ARL4A: variants seen among roughly 807,000 people sequenced by gnomAD.
ARL4A encodes the protein ADP-ribosylation factor-like protein 4A.
ARL4A carries 5 observed loss-of-function variants against 13.9 expected under a neutral mutation model. The observed-to-expected ratio is 0.36, with a 90% confidence interval of 0.19 to 0.75. ARL4A has a LOEUF of 0.75. Among genes scored for constraint, ARL4A ranks in the 30% least tolerant of loss-of-function variants. ARL4A has a pLI of 0.53. For synonymous variants in ARL4A, 77 were observed against 84.4 expected (o/e 0.91, Z 0.48); for missense variants, 147 against 225.8 (o/e 0.65, Z 2.24).
rs1784612255 is a variant in ARL4A at position 12,690,937 on chromosome 7, A to AC, written c.*2081dup. Reference sequence around the variant, plus strand: ...CTGTACAAACTTTGATTTATAAAAGACAATTTCAGCTATAAAACCCATCCT... The same window carrying AC: ...CTGTACAAACTTTGATTTATAAAAGACCAATTTCAGCTATAAAACCCATCCT... On this transcript the variant is annotated 3_prime_UTR_variant, in exon 2 of 2. Transcript: ENST00000651779. 6.1e-6 allele frequency: 1 copy of AC among 164,754 alleles called. No homozygotes were observed. The highest frequency in any genetic ancestry group is 2.1e-4 in the South Asian group (1 of 4,834). The allele number at this position is 164,754 out of a possible 1,614,324, so 10.2% of individuals were successfully genotyped here.
Position 12,689,050 on chromosome 7 carries a change from C to G in ARL4A, c.*193C>G. 1 of 565,028 alleles carries G rather than the reference C, an allele frequency of 1.8e-6. No individual in the cohort carries two copies. The allele number at this position is 565,028 out of a possible 1,614,324, so 35.0% of individuals were successfully genotyped here. A position where few individuals can be genotyped will look rare whatever the true frequency, so the allele number is the denominator to read the frequency against. On this transcript the variant is annotated 3_prime_UTR_variant, in exon 2 of 2. Coordinates refer to ENST00000651779, the MANE Select transcript of ARL4A (RefSeq NM_005738.5). ...TAAATGCAGTGCTTCTTAAAGTGGT[C>G]TCTTCTCCCTACCCCACAAATCTTT...
chr7:12,689,320 C>G lies in ARL4A; in HGVS notation c.*463C>G, dbSNP rs1006461517. The G allele has an allele frequency of 5.9e-6, 1 of 168,492 alleles. No homozygotes were observed. The highest frequency in any genetic ancestry group is 1.4e-5 in the Non-Finnish European group (1 of 69,136). 10.4% of individuals were successfully genotyped at this position (168,492 alleles called of 1,614,324 possible). On this transcript the variant is annotated 3_prime_UTR_variant, in exon 2 of 2. Transcript: ENST00000651779. ...ATGCAGTTATATTGATCACATTGGT[C>G]CAACCAGTCCTTTTTTGAAGTAAGG...
chr7:12,688,694 T>C lies in ARL4A; in HGVS notation c.440T>C (p.Ile147Thr), dbSNP rs556731276. The part of the protein sequence containing the change: ...DLRNSLSLSE[I>T]EKLLAMGELS... ...AGGAACTCATTGTCACTTTCAGAAA[T>C]TGAGAAATTGTTAGCAATGGGTGAA... Residue 147 changes from isoleucine (I) to threonine (T), a missense_variant, in exon 2 of 2, where the codon ATT (isoleucine) becomes ACT (threonine). Ile to Thr is a moderately conservative substitution (Grantham distance 89, BLOSUM62 -1). Coordinates refer to ENST00000651779, the MANE Select transcript of ARL4A (RefSeq NM_005738.5). The surrounding 1 kb of genome is among the most constrained non-coding windows in gnomAD (Gnocchi z 5.2). 1.9e-6 allele frequency: 3 copies of C among 1,613,946 alleles called. No homozygotes were observed. Among genetic ancestry groups the C allele is most frequent in the East Asian group, 2.2e-5 (1 of 44,880 alleles).
chr7:12,688,522 A>T lies in ARL4A; in HGVS notation c.268A>T (p.Thr90Ser). 1 of 1,612,040 alleles carries T rather than the reference A, an allele frequency of 6.2e-7. No individual in the cohort carries two copies. Among genetic ancestry groups the T allele is most frequent in the Non-Finnish European group, 8.5e-7 (1 of 1,179,822 alleles). ...EKLRPLWKSY[T>S]RCTDGIVFVV... ...ATTAAGGCCACTGTGGAAGTCATAT[A>T]CCAGATGCACAGATGGCATTGTATT... The change falls in exon 2 of 2, where the codon ACC becomes TCC. Residue 90 changes from threonine to serine, a missense_variant. Coordinates refer to ENST00000651779, the MANE Select transcript of ARL4A (RefSeq NM_005738.5). The surrounding 1 kb of genome is among the most constrained non-coding windows in gnomAD (Gnocchi z 5.2).
Position 12,688,161 on chromosome 7 carries a change from C to A in ARL4A, c.-89-5C>A. 1.4e-6 allele frequency: 2 copies of A among 1,476,564 alleles called. No homozygotes were observed. Among genetic ancestry groups the A allele is most frequent in the Non-Finnish European group, 1.8e-6 (2 of 1,104,352 alleles). The allele number at this position is 1,476,564 out of a possible 1,614,324, so 91.5% of individuals were successfully genotyped here. Reference sequence around the variant, plus strand: ...GAATAACTTATTCCTTCTTCCGTCTCCCAGCAGTCTTATAGCTGGATCAGC... The same window carrying A: ...GAATAACTTATTCCTTCTTCCGTCTACCAGCAGTCTTATAGCTGGATCAGC... On this transcript the variant is annotated splice_region_variant and splice_polypyrimidine_tract_variant and intron_variant, in intron 1 of 1. Transcript: ENST00000651779. This position sits in a 1 kb window ranked among gnomAD's most constrained non-coding sequence, Gnocchi z 5.2.
At chr7:12,687,453 A>C (rs1390734983), upstream of ARL4A, 1 of 152,380 alleles carries the variant, frequency 6.6e-6, no homozygotes, top group Non-Finnish European at 1.5e-5. The surrounding 1 kb of genome is among the most constrained non-coding windows in gnomAD (Gnocchi z 5.6). Flanking sequence ...CGGTGGACCG[A>C]GAGAGAGCTC....
In ARL4A at chr7:12,688,174, T is replaced by G. The variant is rs531205397; in HGVS notation, c.-81T>G. 1,593 of 1,507,160 alleles carry G rather than the reference T, an allele frequency of 1.1e-3. 3 individuals are homozygous for G. The highest frequency in any genetic ancestry group is 1.3e-3 in the Non-Finnish European group (1,454 of 1,126,934). The allele number at this position is 1,507,160 out of a possible 1,614,324, so 93.4% of individuals were successfully genotyped here. On this transcript the variant is annotated 5_prime_UTR_variant, in exon 2 of 2. An upstream open reading frame in the 5' UTR loses its in-frame stop. Coordinates refer to ENST00000651779, the MANE Select transcript of ARL4A (RefSeq NM_005738.5). This position sits in a 1 kb window ranked among gnomAD's most constrained non-coding sequence, Gnocchi z 5.2. ...CTTCTTCCGTCTCCCAGCAGTCTTA[T>G]AGCTGGATCAGCTACCAAGAGAAGT...
chr7:12,689,803 A>G lies in ARL4A; in HGVS notation c.*946A>G, dbSNP rs1784588600. On this transcript the variant is annotated 3_prime_UTR_variant, in exon 2 of 2. Transcript: ENST00000651779. ...CTCTAAAATATTCCAGTTACAAGAT[A>G]TTTGTTTTATTAATATTTGCTGGCT... 1 of 166,792 alleles carries G rather than the reference A, an allele frequency of 6.0e-6. No individual in the cohort carries two copies. The highest frequency in any genetic ancestry group is 2.4e-5 in the African/African-American group (1 of 41,472). 10.3% of individuals were successfully genotyped at this position (166,792 alleles called of 1,614,324 possible).
In ARL4A at chr7:12,689,707, A is replaced by G. The variant is rs1784586983; in HGVS notation, c.*850A>G. ...AATATGGGCATGTAAACTAATAAAT[A>G]TGCACTGGATACATATATGGATTTA... On this transcript the variant is annotated 3_prime_UTR_variant, in exon 2 of 2. Coordinates refer to ENST00000651779, the MANE Select transcript of ARL4A (RefSeq NM_005738.5). The G allele has an allele frequency of 6.0e-6, 1 of 166,946 alleles. No individual in the cohort carries two copies. The highest frequency in any genetic ancestry group is 2.4e-5 in the African/African-American group (1 of 41,466). The allele number at this position is 166,946 out of a possible 1,614,324, so 10.3% of individuals were successfully genotyped here. A position where few individuals can be genotyped will look rare whatever the true frequency, so the allele number is the denominator to read the frequency against.
chr7:12,688,136 G>A lies in ARL4A; in HGVS notation c.-89-30G>A, dbSNP rs1319045478. 2.8e-6 allele frequency: 4 copies of A among 1,407,448 alleles called. No individual in the cohort carries two copies. The highest frequency in any genetic ancestry group is 2.4e-5 in the Admixed American group (1 of 42,318). 87.2% of individuals were successfully genotyped at this position (1,407,448 alleles called of 1,614,324 possible). A position where few individuals can be genotyped will look rare whatever the true frequency, so the allele number is the denominator to read the frequency against. On this transcript the variant is annotated intron_variant, in intron 1 of 1. Coordinates refer to ENST00000651779, the MANE Select transcript of ARL4A (RefSeq NM_005738.5). The surrounding 1 kb of genome is among the most constrained non-coding windows in gnomAD (Gnocchi z 5.2). ...CCTGTTTTAATGTATTATTTCGGGAGAATAACTTATTCCTTCTTCCGTCTC... is the reference window on the plus strand; with the variant it reads ...CCTGTTTTAATGTATTATTTCGGGAAAATAACTTATTCCTTCTTCCGTCTC...
chr7:12,688,185 G>C lies in ARL4A; in HGVS notation c.-70G>C. On this transcript the variant is annotated 5_prime_UTR_variant, in exon 2 of 2. Transcript: ENST00000651779. The surrounding 1 kb of genome is among the most constrained non-coding windows in gnomAD (Gnocchi z 5.2). ...TCCCAGCAGTCTTATAGCTGGATCAGCTACCAAGAGAAGTTGTAAACCAAG... is the reference window on the plus strand; with the variant it reads ...TCCCAGCAGTCTTATAGCTGGATCACCTACCAAGAGAAGTTGTAAACCAAG... 1 of 1,513,094 alleles carries C rather than the reference G, an allele frequency of 6.6e-7. No homozygotes were observed. The highest frequency in any genetic ancestry group is 8.8e-7 in the Non-Finnish European group (1 of 1,131,870). 93.7% of individuals were successfully genotyped at this position (1,513,094 alleles called of 1,614,324 possible).
chr7:12,687,453 A>G (rs1390734983), upstream of ARL4A: 1 of 152,380 alleles, frequency 6.6e-6, no homozygotes, highest in African/African-American at 2.4e-5. This position sits in a 1 kb window ranked among gnomAD's most constrained non-coding sequence, Gnocchi z 5.6. Flanking sequence ...CGGTGGACCG[A>G]GAGAGAGCTC....
At position 12,689,476 on chromosome 7, in the gene ARL4A, G is replaced by T. The variant is rs1784583667; in HGVS notation, c.*619G>T. 1 of 167,084 alleles carries T rather than the reference G, an allele frequency of 6.0e-6. No homozygotes were observed. The highest frequency in any genetic ancestry group is 2.4e-5 in the African/African-American group (1 of 41,442). The allele number at this position is 167,084 out of a possible 1,614,324, so 10.4% of individuals were successfully genotyped here. ...GTTGGTCTACCTTTATTAAAAATAA[G>T]ATATTTGGGGTATATTCAAGTGCAT... On this transcript the variant is annotated 3_prime_UTR_variant, in exon 2 of 2. Coordinates refer to ENST00000651779, the MANE Select transcript of ARL4A (RefSeq NM_005738.5).
upstream of ARL4A, chr7:12,687,422 C>G (rs1784539957): frequency 6.6e-6 from 1 of 152,280 alleles, no homozygotes; most frequent in South Asian, 2.1e-4. The surrounding 1 kb of genome is among the most constrained non-coding windows in gnomAD (Gnocchi z 5.6). Flanking sequence ...CCTTTTCTAA[C>G]TTAAGGGCAA....
At position 12,688,454 on chromosome 7, in the gene ARL4A, A is replaced by T. The variant is rs1395709996; in HGVS notation, c.200A>T (p.Lys67Ile). The T allele has an allele frequency of 6.2e-7, 1 of 1,612,894 alleles. No homozygotes were observed. The highest frequency in any genetic ancestry group is 8.5e-7 in the Non-Finnish European group (1 of 1,179,860). ...ATTAAGGTAACCTTGGGAAATTCTA[A>T]AACAGTCACTTTTCACTTCTGGGAT... The part of the protein sequence containing the change: ...EKIKVTLGNS[K>I]TVTFHFWDVG... The change falls in exon 2 of 2, where the codon AAA becomes ATA. Residue 67 changes from lysine to isoleucine, a missense_variant. Physicochemically the swap from Lys to Ile is moderately radical, Grantham distance 102 (BLOSUM62 -3). Transcript: ENST00000651779. This position sits in a 1 kb window ranked among gnomAD's most constrained non-coding sequence, Gnocchi z 5.2.
chr7:12,687,493 C>T (rs971236608), upstream of ARL4A: 1 of 152,948 alleles, frequency 6.5e-6, no homozygotes, highest in South Asian at 2.1e-4. This position sits in a 1 kb window ranked among gnomAD's most constrained non-coding sequence, Gnocchi z 5.6. Context: ...CGGCAGTTAC[C>T]CTCACCAATT....
chr7:12,690,715 G>GA lies in ARL4A; in HGVS notation c.*1868dup, dbSNP rs1045826005. ...CCATGATGGATTAATAAAGCTTGCTGAAAAAAAAAATCTGTGTATCAATTA... is the reference window on the plus strand; with the variant it reads ...CCATGATGGATTAATAAAGCTTGCTGAAAAAAAAAAATCTGTGTATCAATTA... On this transcript the variant is annotated 3_prime_UTR_variant, in exon 2 of 2. Coordinates refer to ENST00000651779, the MANE Select transcript of ARL4A (RefSeq NM_005738.5). 66 of 156,406 alleles carry GA rather than the reference G, an allele frequency of 4.2e-4. No homozygotes were observed. Among genetic ancestry groups the GA allele is most frequent in the Middle Eastern group, 3.5e-3 (1 of 284 alleles). 9.7% of individuals were successfully genotyped at this position (156,406 alleles called of 1,614,324 possible).
rs1784603901 is a variant in ARL4A at position 12,690,568 on chromosome 7, G to C, written c.*1711G>C. On this transcript the variant is annotated 3_prime_UTR_variant, in exon 2 of 2. Coordinates refer to ENST00000651779, the MANE Select transcript of ARL4A (RefSeq NM_005738.5). ...ATGTGTAAAAACAATTGACCAGCTA[G>C]GCTATTTAGTCCCATAGTAGTTCAG... is the stretch of plus-strand genomic sequence containing the variant. The C allele has an allele frequency of 6.0e-6, 1 of 165,732 alleles. No homozygotes were observed. Among genetic ancestry groups the C allele is most frequent in the Non-Finnish European group, 1.5e-5 (1 of 68,014 alleles). The allele number at this position is 165,732 out of a possible 1,614,324, so 10.3% of individuals were successfully genotyped here.
rs1392287886 is a variant in ARL4A, at chr7:12,687,938, A to G, written c.-90+210A>G. On this transcript the variant is annotated intron_variant, in intron 1 of 1. Coordinates refer to ENST00000651779, the MANE Select transcript of ARL4A (RefSeq NM_005738.5). The surrounding 1 kb of genome is among the most constrained non-coding windows in gnomAD (Gnocchi z 5.6). ...TTGAGGTTTGGGGACCCAGGAGAAA[A>G]ACGTACATATTACTGCAATTTAAGT... 3.3e-5 allele frequency among the ~76,000 whole-genome samples: 5 copies of G among 152,148 alleles called. No homozygotes were observed. The highest frequency in any genetic ancestry group is 3.3e-4 in the Admixed American group (5 of 15,280).
Sources: allele counts gnomAD v4.1 joint callset (sites outside exome capture counted in the v4.1 genomes callset), GRCh38; gene constraint gnomAD v4.1.1; non-coding constraint Gnocchi (gnomAD v3.1); transcripts MANE v1.5; gene names NCBI Gene and HGNC (gene_info 2026-07-23, HGNC 2026-07-21).